The following CRYBA4 variants were observed in gnomAD, a reference collection of about 807,000 sequenced individuals.
CRYBA4 encodes the protein beta-crystallin A4.
Under a neutral mutation model 31.7 loss-of-function variants are expected in CRYBA4, and 30 were observed. The ratio of observed to expected loss-of-function variants is 0.95; its 90% CI spans 0.71 to 1.28. The LOEUF is 1.28. CRYBA4 is among the 50% of genes most tolerant of loss of function. The probability of loss-of-function intolerance (pLI) is 0.00; values close to 1 mark genes in which losing one functional copy is unlikely to be tolerated. For synonymous variants in CRYBA4, 102 were observed against 102.3 expected (o/e 1.00, Z 0.02); for missense variants, 225 against 260.7 (o/e 0.86, Z 0.94).
intron 4 of CRYBA4, among the ~76,000 whole-genome samples, chr22:26,626,908 T>C (rs1275796893): frequency 6.6e-6 from 1 of 152,226 alleles, no homozygotes. Context: ...ATAATGAATC[T>C]AAGGCTTGGA....
At chr22:26,607,813 C>G in the CRYBA4 span, 4 of 1,604,790 alleles carry the variant, frequency 2.5e-6, no homozygotes, top group Non-Finnish European at 2.6e-6. Flanking sequence ...TCCTTCTTGC[C>G]CTTGTCAGAT....
the CRYBA4 span, among the ~76,000 whole-genome samples, chr22:26,590,707 G>C: frequency 6.6e-6 from 1 of 152,108 alleles, no homozygotes; most frequent in African/African-American, 2.4e-5. Flanking sequence ...GTAGAGGCCT[G>C]GAATGCTGCT....
the CRYBA4 span, among the ~76,000 whole-genome samples, chr22:26,602,178 A>T: frequency 6.6e-6 from 1 of 152,182 alleles, no homozygotes; most frequent in African/African-American, 2.4e-5. Context: ...GGAAGGAGAC[A>T]TAAGGAAAAT....
chr22:26,619,170 G>A (rs1050340886), upstream of CRYBA4, among the ~76,000 whole-genome samples: 3 of 152,122 alleles, frequency 2.0e-5, no homozygotes, highest in South Asian at 6.2e-4. Flanking sequence ...GGGAAACCAA[G>A]GCAAGGAGAG....
chr22:26,592,790 G>T, the CRYBA4 span, among the ~76,000 whole-genome samples: 19 of 152,210 alleles, frequency 1.2e-4, no homozygotes, highest in Non-Finnish European at 1.5e-5. Flanking sequence ...GGCAGAAACT[G>T]GTTTGGAGGG....
intron 1 of CRYBA4, 83 bp from the exon 2 acceptor site, chr22:26,622,502 T>C (rs1359007895): frequency 8.1e-7 from 1 of 1,239,446 alleles, no homozygotes; most frequent in African/African-American, 1.5e-5. Flanking sequence ...ATGTGGATCC[T>C]GACCAGGTCC....
chr22:26,629,382 T>C (rs1165186707), intron 5 of CRYBA4, among the ~76,000 whole-genome samples: 1 of 152,008 alleles, frequency 6.6e-6, no homozygotes, highest in Non-Finnish European at 1.5e-5. Context: ...TCACTTCCTC[T>C]TTTACAGAAA....
chr22:26,623,374 G>C (rs757383016), intron 3 of CRYBA4, 22 bp downstream of exon 3: 3 of 1,589,304 alleles, frequency 1.9e-6, no homozygotes, highest in Non-Finnish European at 2.6e-6. Context: ...GGGACACTGA[G>C]TTGGGGTAGA....
chr22:26,596,437 G>T, the CRYBA4 span, among the ~76,000 whole-genome samples: 713 of 152,180 alleles, frequency 4.7e-3, 3 homozygotes, highest in African/African-American at 0.017. Context: ...TGAATTTCTA[G>T]TATGTTTACC....
the CRYBA4 span, among the ~76,000 whole-genome samples, chr22:26,603,643 G>A: frequency 3.3e-5 from 5 of 151,308 alleles, no homozygotes; most frequent in South Asian, 2.1e-4. Flanking sequence ...GGTGGCTCAC[G>A]CCTGTAATCC....
chr22:26,616,324 C>T, the CRYBA4 span: 7 of 1,612,556 alleles, frequency 4.3e-6, no homozygotes, highest in Admixed American at 1.7e-5. Flanking sequence ...AGACATGGTT[C>T]CCGCCTGCAA....
chr22:26,617,042 G>A (rs1414120943), upstream of CRYBA4, among the ~76,000 whole-genome samples: 1 of 152,216 alleles, frequency 6.6e-6, no homozygotes, highest in Non-Finnish European at 1.5e-5. Context: ...CATGCTCCCA[G>A]CTCCTTTCCC....
At chr22:26,599,595 C>T in the CRYBA4 span, 19 of 1,614,064 alleles carry the variant, frequency 1.2e-5, no homozygotes, top group Admixed American at 3.3e-5. Flanking sequence ...AGGCTCCCCA[C>T]TCATTCCAGT....
At position 26,628,092 on chromosome 22, in the gene CRYBA4, A is replaced by G. The variant is rs556353587; in HGVS notation, c.301-196A>G. Among the ~76,000 whole-genome samples, 3 of 152,112 alleles carry G rather than the reference A, an allele frequency of 2.0e-5. 1 individual carries two copies. In the South Asian group the frequency reaches 6.2e-4, roughly 32 times the overall value. On this transcript the variant is annotated intron_variant, in intron 4 of 5. Coordinates refer to ENST00000354760, the MANE Select transcript of CRYBA4 (RefSeq NM_001886.3). ...AACATTCTTGCAGCCTATTTATTCC[A>G]TGATTATTTTCTTTGTGGAAATTTC...
At chr22:26,615,294 G>T in the CRYBA4 span, among the ~76,000 whole-genome samples, 2 of 152,282 alleles carry the variant, frequency 1.3e-5, no homozygotes, top group Admixed American at 6.5e-5. Flanking sequence ...TTGAGGGTCT[G>T]AGGCCATCCT....
At chr22:26,611,931 G>A in the CRYBA4 span, 3 of 726,526 alleles carry the variant, frequency 4.1e-6, no homozygotes, top group East Asian at 2.5e-5. Flanking sequence ...TCTTCAGTTT[G>A]ATATGAGGAT....
intron 5 of CRYBA4, 41 bp from the exon 6 acceptor site, chr22:26,630,299 G>C: frequency 1.9e-6 from 3 of 1,613,372 alleles, no homozygotes; most frequent in Non-Finnish European, 2.5e-6. Flanking sequence ...CACCATGCTG[G>C]TGTCTCTGTA....
chr22:26,602,430 T>A, the CRYBA4 span, among the ~76,000 whole-genome samples: 3 of 149,878 alleles, frequency 2.0e-5, no homozygotes, highest in African/African-American at 7.3e-5. Flanking sequence ...AAAAAAATAA[T>A]TTTTTTTTTA....
chr22:26,612,693 G>T, the CRYBA4 span, among the ~76,000 whole-genome samples: 1 of 152,214 alleles, frequency 6.6e-6, no homozygotes, highest in Non-Finnish European at 1.5e-5. Context: ...GCCATCATTA[G>T]GAACTTATGA....
Sources: allele counts gnomAD v4.1 joint callset (sites outside exome capture counted in the v4.1 genomes callset), GRCh38; gene constraint gnomAD v4.1.1; transcripts MANE v1.5; gene names NCBI Gene and HGNC (gene_info 2026-07-23, HGNC 2026-07-21).